The following DNAH14 variants were observed in gnomAD, a reference collection of about 807,000 sequenced individuals.
DNAH14 encodes the protein axonemal beta dynein heavy chain 14.
DNAH14 carries 478 observed loss-of-function variants against 520.9 expected under a neutral mutation model. That is an observed-to-expected ratio of 0.92 (90% CI 0.85 to 0.99). The LOEUF (loss-of-function observed/expected upper bound fraction) is 0.99. Among genes scored for constraint, DNAH14 ranks in the 50% least tolerant of loss-of-function variants. The probability of loss-of-function intolerance (pLI) is 0.00; values close to 1 mark genes in which losing one functional copy is unlikely to be tolerated. For missense variants in DNAH14, 4,831 were observed against 5,234.5 expected, an observed-to-expected ratio of 0.92 and a Z score of 2.38; for synonymous variants, 1,581 against 1,757.2, an observed-to-expected ratio of 0.90 and a Z score of 2.51.
At chr1:225,335,591 GTATA>G (rs1472730064) in intron 66 of DNAH14, among the ~76,000 whole-genome samples, 1 of 103,106 alleles carries the variant, frequency 9.7e-6, no homozygotes, top group African/African-American at 3.0e-5. Flanking sequence ...GTGCATATAT[GTATA>G]TACGCATACG....
intron 17 of DNAH14, among the ~76,000 whole-genome samples, chr1:225,065,197 A>G (rs2148448945): frequency 6.6e-6 from 1 of 152,032 alleles, no homozygotes; most frequent in Non-Finnish European, 1.5e-5. Flanking sequence ...GACATCTTCC[A>G]GGGTTTTTAT....
chr1:225,239,582 C>T (rs2149625706), intron 42 of DNAH14, among the ~76,000 whole-genome samples: 1 of 152,306 alleles, frequency 6.6e-6, no homozygotes, highest in East Asian at 1.9e-4. Context: ...TGCTTTCATT[C>T]CTCTTTGTGA....
intron 27 of DNAH14, among the ~76,000 whole-genome samples, chr1:225,127,144 G>T (rs1189942184): frequency 4.6e-5 from 7 of 152,200 alleles, no homozygotes; most frequent in African/African-American, 1.4e-4. Context: ...GGTCAATTTT[G>T]GAATAAGTGC....
At chr1:225,112,357 TTTTA>T (rs905092310) in intron 23 of DNAH14, among the ~76,000 whole-genome samples, 34 of 152,294 alleles carry the variant, frequency 2.2e-4, no homozygotes, top group African/African-American at 8.2e-4. Context: ...TTCCATTGTG[TTTTA>T]TTTGTTTCTT....
At chr1:225,335,063 TG>T (rs1487122115) in intron 66 of DNAH14, among the ~76,000 whole-genome samples, 1 of 149,222 alleles carries the variant, frequency 6.7e-6, no homozygotes, top group East Asian at 2.0e-4. Context: ...TGTACATATA[TG>T]TATATATAAC....
At chr1:225,136,796 G>A (rs758845510) in intron 27 of DNAH14, among the ~76,000 whole-genome samples, 16 of 152,140 alleles carry the variant, frequency 1.1e-4, no homozygotes, top group South Asian at 6.2e-4. Context: ...CCAGTCAGTC[G>A]TAGGTTCGTT....
intron 76 of DNAH14, among the ~76,000 whole-genome samples, chr1:225,367,124 G>A (rs115155374): frequency 1.5e-3 from 225 of 150,488 alleles, no homozygotes; most frequent in African/African-American, 5.2e-3. Flanking sequence ...AAGTGTGTGT[G>A]TTTATATATA....
intron 43 of DNAH14, among the ~76,000 whole-genome samples, chr1:225,251,903 C>T (rs1330524076): frequency 2.0e-5 from 3 of 151,988 alleles, no homozygotes; most frequent in Non-Finnish European, 2.9e-5. Context: ...GAATTTTGTG[C>T]TAAGAAAATG....
intron 11 of DNAH14, among the ~76,000 whole-genome samples, chr1:225,025,560 C>T (rs1460159481): frequency 6.6e-6 from 1 of 150,774 alleles, no homozygotes; most frequent in Non-Finnish European, 1.5e-5. Flanking sequence ...AGCGAAACCC[C>T]ATCTCTACAA....
At chr1:225,392,498 C>G in intron 84 of DNAH14, 47 bp downstream of exon 84, 1 of 1,541,078 alleles carries the variant, frequency 6.5e-7, no homozygotes, top group Non-Finnish European at 8.8e-7. Flanking sequence ...TTCATTCATT[C>G]ATTTATTCAT....
chr1:225,161,528 C>A (rs1350786806), intron 35 of DNAH14, among the ~76,000 whole-genome samples: 1 of 152,222 alleles, frequency 6.6e-6, no homozygotes, highest in Non-Finnish European at 1.5e-5. Flanking sequence ...GTATACCCAG[C>A]AGTAGGATTG....
chr1:225,304,844 A>T (rs1328453652), intron 57 of DNAH14, 64 bp from the exon 58 acceptor site: 2 of 1,351,608 alleles, frequency 1.5e-6, no homozygotes, highest in Admixed American at 3.2e-5. Flanking sequence ...TAAGTGTTCA[A>T]CTTTCTCTTT....
chr1:225,157,452 C>A (rs976424345), intron 34 of DNAH14, among the ~76,000 whole-genome samples: 1 of 152,086 alleles, frequency 6.6e-6, no homozygotes, highest in African/African-American at 2.4e-5. Context: ...ATTATTTATT[C>A]TTAAATTATG....
At position 225,097,171 on chromosome 1, in the gene DNAH14, G is replaced by A. The variant is rs1259693826; in HGVS notation, c.3627G>A (p.Glu1209=). Residue 1209 remains glutamate (E), a synonymous_variant, in exon 22 of 86, where the codon GAG becomes GAA. Transcript: ENST00000682510. ...TGACTCTCTTCTCTTACACCCTTGA[G>A]GAATGGATGAATTGTCAAAGAAATT... ...QNLTLFSYTL[E]EWMNCQRNWL... The A allele has an allele frequency of 1.3e-6, 2 of 1,550,582 alleles. No homozygotes were observed. The highest frequency in any genetic ancestry group is 1.7e-6 in the Non-Finnish European group (2 of 1,146,434).
chr1:225,270,134 AT>A (rs1418446752), intron 49 of DNAH14, among the ~76,000 whole-genome samples: 2 of 152,126 alleles, frequency 1.3e-5, no homozygotes, highest in East Asian at 3.9e-4. Context: ...ATGGAATACT[AT>A]GCAGCCATAA....
intron 37 of DNAH14, among the ~76,000 whole-genome samples, chr1:225,192,146 C>G (rs115560981): frequency 1.1e-3 from 172 of 152,188 alleles, no homozygotes; most frequent in African/African-American, 4.0e-3. Flanking sequence ...ACCCAAACTT[C>G]TCCCTGAGGC....
intron 28 of DNAH14, among the ~76,000 whole-genome samples, chr1:225,143,199 A>G (rs922710198): frequency 3.3e-5 from 5 of 152,050 alleles, no homozygotes; most frequent in African/African-American, 4.8e-5. Flanking sequence ...GGAAAGGGAA[A>G]GGCTCTGGAA....
At chr1:224,987,483 G>A (rs973198850) in intron 8 of DNAH14, among the ~76,000 whole-genome samples, 7 of 152,130 alleles carry the variant, frequency 4.6e-5, no homozygotes, top group African/African-American at 1.7e-4. Context: ...TTGTCTTACG[G>A]GTCTGGAGGG....
At chr1:225,372,486 A>C (rs1051904997) in intron 77 of DNAH14, among the ~76,000 whole-genome samples, 3 of 152,216 alleles carry the variant, frequency 2.0e-5, no homozygotes, top group African/African-American at 4.8e-5. Flanking sequence ...AGGGATTTTC[A>C]AAAAGTAAAT....
Sources: allele counts gnomAD v4.1 joint callset (sites outside exome capture counted in the v4.1 genomes callset), GRCh38; gene constraint gnomAD v4.1.1; transcripts MANE v1.5; gene names NCBI Gene and HGNC (gene_info 2026-07-23, HGNC 2026-07-21).